TRIM3: variants seen among roughly 807,000 people sequenced by gnomAD.
TRIM3 encodes the protein tripartite motif containing 3.
In TRIM3, 13 loss-of-function variants were observed where a neutral mutation model predicts 66.6. That is an observed-to-expected ratio of 0.20 (90% CI 0.13 to 0.31). The LOEUF (loss-of-function observed/expected upper bound fraction) is 0.31, where lower values mean the gene tolerates loss of function less well. Among genes scored for constraint, TRIM3 ranks in the 10% least tolerant of loss-of-function variants. The pLI, the probability that TRIM3 is intolerant of heterozygous loss-of-function variation, is 1.00. For missense variants in TRIM3, 711 were observed against 1,020.4 expected, an observed-to-expected ratio of 0.70 and a Z score of 4.13; for synonymous variants, 406 against 411.7, an observed-to-expected ratio of 0.99 and a Z score of 0.17.
At chr11:6,455,721 G>A (rs1474531402) in intron 7 of TRIM3, among the ~76,000 whole-genome samples, 2 of 152,158 alleles carry the variant, frequency 1.3e-5, no homozygotes, top group Non-Finnish European at 1.5e-5. Context: ...GCCACCAGGA[G>A]AAAAAGGGAG....
chr11:6,463,531 G>A (rs1850327697), intron 2 of TRIM3, among the ~76,000 whole-genome samples: 1 of 152,200 alleles, frequency 6.6e-6, no homozygotes, highest in Admixed American at 6.5e-5. Context: ...GGATAAAGAT[G>A]TGAAGGAACT....
At chr11:6,453,176 G>A (rs944326668) in intron 7 of TRIM3, 2 of 152,214 alleles carry the variant, frequency 1.3e-5, no homozygotes, top group African/African-American at 4.8e-5. Context: ...TTCAACAAAT[G>A]AATGAACTCC....
At chr11:6,451,539 C>T in intron 7 of TRIM3, 101 bp from the exon 8 acceptor site, 1 of 1,309,032 alleles carries the variant, frequency 7.6e-7, no homozygotes, top group Non-Finnish European at 1.1e-6. Context: ...CCCCCACCAC[C>T]ATTTATTCAG....
intron 1 of TRIM3, among the ~76,000 whole-genome samples, chr11:6,470,568 T>C (rs1406980736): frequency 6.6e-6 from 1 of 152,186 alleles, no homozygotes; most frequent in African/African-American, 2.4e-5. Flanking sequence ...AGCACCCAGC[T>C]AGAGTTCACT....
rs577452612 is a variant in TRIM3 at position 6,450,647 on chromosome 11, G to T, written c.1871-26C>A. On this transcript the variant is annotated intron_variant, in intron 9 of 11. Transcript: ENST00000345851. This position sits in a 1 kb window ranked among gnomAD's most constrained non-coding sequence, Gnocchi z 4.8. ...CTGAAAATACAAAGTGGTCTTCAGG[G>T]CAGTAAGCTGGGATGCTGAGTGGGA... 1.2e-6 allele frequency: 2 copies of T among 1,609,274 alleles called. No individual in the cohort carries two copies. The highest frequency in any genetic ancestry group is 1.7e-6 in the Non-Finnish European group (2 of 1,175,692).
At position 6,451,347 on chromosome 11, in the gene TRIM3, T is replaced by G; in HGVS notation, c.1625A>C (p.Asp542Ala). Reference sequence around the variant, plus strand: ...TGCCACAATTATGTCTCCATTGGTGTCCACTGCCACACCTGTGGGGCGCTG... The same window carrying G: ...TGCCACAATTATGTCTCCATTGGTGGCCACTGCCACACCTGTGGGGCGCTG... ...QLQRPTGVAV[D>A]TNGDIIVADY... Residue 542 changes from aspartate to alanine, a missense_variant, in exon 8 of 12, where the codon GAC (aspartate) becomes GCC (alanine). This residue lies in a region of TRIM3 where 163 missense variants were observed against 321.9 expected (regional missense o/e 0.51). Coordinates refer to ENST00000345851, the MANE Select transcript of TRIM3 (RefSeq NM_033278.4). 1 of 1,614,206 alleles carries G rather than the reference T, an allele frequency of 6.2e-7. No individual in the cohort carries two copies. The highest frequency in any genetic ancestry group is 8.5e-7 in the Non-Finnish European group (1 of 1,180,036).
Position 6,454,531 on chromosome 11 carries a change from C to T in TRIM3, c.1533+1541G>A, listed in dbSNP as rs558571664. 6.6e-5 allele frequency among the ~76,000 whole-genome samples: 10 copies of T among 152,272 alleles called. No individual in the cohort carries two copies. The South Asian group carries it at 2.1e-3, about 32-fold the overall frequency. On this transcript the variant is annotated intron_variant, in intron 7 of 11. Transcript: ENST00000345851. ...GGGTCCCAAATCTCAACTTTTATGC[C>T]AGGAAGCATTCCCAGCCTAGGGAGT...
At chr11:6,451,117 T>C (rs970329333) in intron 8 of TRIM3, 57 bp from the exon 9 acceptor site, 6 of 1,605,770 alleles carry the variant, frequency 3.7e-6, no homozygotes, top group Non-Finnish European at 5.1e-6. Context: ...AAAGTAGTCC[T>C]AACCCAGTAC....
chr11:6,460,443 G>C (rs1457294419), intron 2 of TRIM3, among the ~76,000 whole-genome samples: 1 of 152,046 alleles, frequency 6.6e-6, no homozygotes, highest in Non-Finnish European at 1.5e-5. Context: ...GAAGGAGAGG[G>C]GGAAGAGACT....
chr11:6,450,784 A>C lies in TRIM3; in HGVS notation c.1870+108T>G. 6.6e-7 allele frequency: 1 copy of C among 1,505,888 alleles called. No individual in the cohort carries two copies. The highest frequency in any genetic ancestry group is 9.1e-7 in the Non-Finnish European group (1 of 1,096,650). 93.3% of individuals were successfully genotyped at this position (1,505,888 alleles called of 1,614,324 possible). On this transcript the variant is annotated intron_variant, in intron 9 of 11. Transcript: ENST00000345851. This position sits in a 1 kb window ranked among gnomAD's most constrained non-coding sequence, Gnocchi z 4.8. ...ATAGGGCTAACGTAAGGGAAGTGGG[A>C]TCTCCAGAGCCAAGATATAGGAGGA...
intron 2 of TRIM3, among the ~76,000 whole-genome samples, chr11:6,459,385 C>T (rs1850124848): frequency 6.6e-6 from 1 of 152,172 alleles, no homozygotes; most frequent in South Asian, 2.1e-4. Flanking sequence ...TCTTCACCCC[C>T]TCTGTGTGGG....
chr11:6,457,085 T>C lies in TRIM3; in HGVS notation c.697-56A>G. The stretch of plus-strand genomic sequence containing the variant: ...CAGACTGGCACAGGGGGAGTCTCTG[T>C]GATTACTGAAGTTGTAGCACTGTGG... On this transcript the variant is annotated intron_variant, in intron 5 of 11. Coordinates refer to ENST00000345851, the MANE Select transcript of TRIM3 (RefSeq NM_033278.4). The surrounding 1 kb of genome is among the most constrained non-coding windows in gnomAD (Gnocchi z 4.5). The C allele has an allele frequency of 6.5e-7, 1 of 1,549,096 alleles. No homozygotes were observed. Among genetic ancestry groups the C allele is most frequent in the Non-Finnish European group, 8.7e-7 (1 of 1,149,594 alleles).
chr11:6,463,724 A>G (rs953548321), intron 2 of TRIM3, among the ~76,000 whole-genome samples: 12 of 152,206 alleles, frequency 7.9e-5, no homozygotes, highest in African/African-American at 2.9e-4. Context: ...GGCGTTTATG[A>G]CTACAGATAA....
At position 6,451,041 on chromosome 11, in the gene TRIM3, C is replaced by T. The variant is rs775208666; in HGVS notation, c.1721G>A (p.Arg574His). ...GKFKTKIGAGRLMGPKGVAVD... is the reference protein window; with the variant it reads ...GKFKTKIGAGHLMGPKGVAVD... ...GGCCACTCCCTTGGGGCCCATGAGG[C>T]GGCCAGCTCCAATCTTGGTCTGGAG... The change falls in exon 9 of 12, where the codon CGC becomes CAC. Residue 574 changes from arginine (R) to histidine (H), a missense_variant. Arg to His is a conservative substitution (Grantham distance 29). This residue lies in a region of TRIM3 where 163 missense variants were observed against 321.9 expected (regional missense o/e 0.51). Transcript: ENST00000345851. The T allele has an allele frequency of 9.9e-6, 16 of 1,614,148 alleles. No homozygotes were observed. The highest frequency in any genetic ancestry group is 3.3e-5 in the South Asian group (3 of 91,078).
chr11:6,448,981 C>A lies in TRIM3; in HGVS notation c.*47G>T. ...TCCCAGCCAGACCCTCTTGTCCAAT[C>A]ACCCCAATGTCTGTCCCTCCACAAG... On this transcript the variant is annotated 3_prime_UTR_variant, in exon 12 of 12. Transcript: ENST00000345851. 1 of 1,603,474 alleles carries A rather than the reference C, an allele frequency of 6.2e-7. No homozygotes were observed. Among genetic ancestry groups the A allele is most frequent in the Non-Finnish European group, 8.5e-7 (1 of 1,171,278 alleles).
intron 2 of TRIM3, 82 bp downstream of exon 2, chr11:6,465,483 C>CCCTCACCCTCCCCACAGGGGAGGAGGAT (rs376602675): frequency 4.5e-5 from 70 of 1,560,016 alleles, no homozygotes; most frequent in African/African-American, 5.4e-5. Context: ...TACACATGCT[C>CCCTCACCCTCCCCACAGGGGAGGAGGAT]CCTCACCCTC....
chr11:6,472,382 C>A lies in TRIM3; in HGVS notation c.-38+1409G>T, dbSNP rs929211840. On this transcript the variant is annotated intron_variant, in intron 1 of 11. Coordinates refer to ENST00000345851, the MANE Select transcript of TRIM3 (RefSeq NM_033278.4). ...TTGACTTCTAGTTTCCACTGTTAGGCTAAATGTGTTAGAGGATGGTCTTAG... is the reference window on the plus strand; with the variant it reads ...TTGACTTCTAGTTTCCACTGTTAGGATAAATGTGTTAGAGGATGGTCTTAG... 6.6e-5 allele frequency among the ~76,000 whole-genome samples: 10 copies of A among 152,222 alleles called. 1 individual carries two copies. Among genetic ancestry groups the A allele is most frequent in the Admixed American group, 2.6e-4 (4 of 15,286 alleles).
intron 7 of TRIM3, among the ~76,000 whole-genome samples, chr11:6,454,656 T>C (rs1284247816): frequency 1.3e-5 from 2 of 152,116 alleles, no homozygotes; most frequent in African/African-American, 4.8e-5. Context: ...CCCAAATGCC[T>C]TCCTGTGCTG....
At position 6,448,906 on chromosome 11, in the gene TRIM3, G is replaced by T; in HGVS notation, c.*122C>A. On this transcript the variant is annotated 3_prime_UTR_variant, in exon 12 of 12. Coordinates refer to ENST00000345851, the MANE Select transcript of TRIM3 (RefSeq NM_033278.4). Reference sequence around the variant, plus strand: ...GGGGGTAGGAGAGGGAGGGCACCGGGTGCACCCATGCCCACAGCCCACATT... The same window carrying T: ...GGGGGTAGGAGAGGGAGGGCACCGGTTGCACCCATGCCCACAGCCCACATT... 1 of 1,244,750 alleles carries T rather than the reference G, an allele frequency of 8.0e-7. No homozygotes were observed. The highest frequency in any genetic ancestry group is 1.2e-6 in the Non-Finnish European group (1 of 866,020). The allele number at this position is 1,244,750 out of a possible 1,614,324, so 77.1% of individuals were successfully genotyped here. A position where few individuals can be genotyped will look rare whatever the true frequency, so the allele number is the denominator to read the frequency against.
Sources: allele counts gnomAD v4.1 joint callset (sites outside exome capture counted in the v4.1 genomes callset), GRCh38; gene constraint gnomAD v4.1.1; regional missense constraint gnomAD v4.1.1; non-coding constraint Gnocchi (gnomAD v3.1); transcripts MANE v1.5; gene names NCBI Gene and HGNC (gene_info 2026-07-23, HGNC 2026-07-21).